The following ZNF721 variants were observed in gnomAD, a reference collection of about 807,000 sequenced individuals.
ZNF721 encodes the protein zinc finger protein 721.
Under a neutral mutation model 2.4 loss-of-function variants are expected in ZNF721, and 2 were observed. That is an observed-to-expected ratio of 0.82 (90% confidence interval 0.34 to 2.58). ZNF721 has a LOEUF of 2.58. Ranked by LOEUF, ZNF721 falls within the 30% of genes most tolerant of loss-of-function variation. The pLI is 0.11. For synonymous variants in ZNF721, 398 were observed against 381.8 expected (o/e 1.04, Z -0.50); for missense variants, 1,187 against 1,085.5 (o/e 1.09, Z -1.31).
intron 2 of ZNF721, among the ~76,000 whole-genome samples, chr4:463,628 C>T (rs531931768): frequency 1.7e-4 from 26 of 152,064 alleles, no homozygotes; most frequent in Admixed American, 8.5e-4. Context: ...AAGCTGGAAA[C>T]CATCATTCTC....
chr4:489,084 C>T (rs1162843867), intron 1 of ZNF721, among the ~76,000 whole-genome samples: 1 of 152,200 alleles, frequency 6.6e-6, no homozygotes, highest in Non-Finnish European at 1.5e-5. Flanking sequence ...ATGTCATTAA[C>T]TTGACCCAGC....
chr4:496,818 T>C (rs1716167624), intron 1 of ZNF721, among the ~76,000 whole-genome samples: 1 of 145,474 alleles, frequency 6.9e-6, no homozygotes. Flanking sequence ...GTTCACGCCA[T>C]TCTCCTGCCT....
In ZNF721 at chr4:443,913, C is replaced by A; in HGVS notation, c.554G>T (p.Arg185Ile). 1.9e-6 allele frequency: 3 copies of A among 1,614,046 alleles called. No homozygotes were observed. Among genetic ancestry groups the A allele is most frequent in the Non-Finnish European group, 1.7e-6 (2 of 1,179,990 alleles). Reference protein sequence around the residue: ...NRSTNLTAHKRIHNREKAYTG... With the variant: ...NRSTNLTAHKIIHNREKAYTG... ...GTAAGCTTTCTCTCTGTTGTGAATT[C>A]TCTTATGTGCAGTAAGGTTTGTTGA... Residue 185 changes from arginine to isoleucine, a missense_variant, in exon 3 of 3, where the codon AGA (arginine) becomes ATA (isoleucine). Arg to Ile is a moderately conservative substitution (Grantham distance 97). Transcript: ENST00000511833.
intron 2 of ZNF721, among the ~76,000 whole-genome samples, chr4:449,485 TTGAAGTA>T (rs1311010591): frequency 6.6e-6 from 1 of 152,118 alleles, no homozygotes; most frequent in East Asian, 1.9e-4. Flanking sequence ...ATAAAGCTAT[TTGAAGTA>T]AACATACAGG....
chr4:484,329 G>A (rs1193616268), intron 1 of ZNF721, among the ~76,000 whole-genome samples: 1 of 152,154 alleles, frequency 6.6e-6, no homozygotes, highest in East Asian at 1.9e-4. Context: ...TGCACAAATT[G>A]TACAGCATGT....
chr4:484,804 T>G (rs1378577501), intron 1 of ZNF721, among the ~76,000 whole-genome samples: 5 of 152,254 alleles, frequency 3.3e-5, no homozygotes, highest in African/African-American at 1.2e-4. Flanking sequence ...TCCTGTGATC[T>G]CGCCCTGCCT....
chr4:449,563 A>C (rs80070331), intron 2 of ZNF721, among the ~76,000 whole-genome samples: 26,853 of 152,178 alleles, frequency 0.18, 2,978 homozygotes, highest in Non-Finnish European at 0.23. Flanking sequence ...CAGGCAGAAG[A>C]AGCAAAAATA....
intron 1 of ZNF721, among the ~76,000 whole-genome samples, chr4:496,574 G>A (rs538477907): frequency 1.3e-5 from 2 of 152,198 alleles, no homozygotes; most frequent in East Asian, 1.9e-4. Context: ...ACACTCATGA[G>A]CTAGAGGGTT....
rs1428905410 is a variant in ZNF721, at chr4:441,293, T to C, written c.*402A>G. ...ACAATAGCTTTTGTATATTTTTATGTTTGTACAAGTAGTCTCACATATAAA... is the reference window on the plus strand; with the variant it reads ...ACAATAGCTTTTGTATATTTTTATGCTTGTACAAGTAGTCTCACATATAAA... On this transcript the variant is annotated 3_prime_UTR_variant, in exon 3 of 3. Transcript: ENST00000511833. The C allele has an allele frequency of 1.3e-5, 2 of 159,952 alleles. No individual in the cohort carries two copies. Among genetic ancestry groups the C allele is most frequent in the Admixed American group, 1.2e-4 (2 of 16,264 alleles). The allele number at this position is 159,952 out of a possible 1,614,324, so 9.9% of individuals were successfully genotyped here. A position where few individuals can be genotyped will look rare whatever the true frequency, so the allele number is the denominator to read the frequency against.
At chr4:462,523 C>T (rs1715100711) in intron 2 of ZNF721, among the ~76,000 whole-genome samples, 1 of 152,102 alleles carries the variant, frequency 6.6e-6, no homozygotes, top group Admixed American at 6.5e-5. Flanking sequence ...CTACAGGAAC[C>T]AAAACAGCAT....
At chr4:456,803 C>T (rs1262691166) in intron 2 of ZNF721, among the ~76,000 whole-genome samples, 2 of 152,088 alleles carry the variant, frequency 1.3e-5, no homozygotes, top group African/African-American at 2.4e-5. Context: ...CACTTGAATC[C>T]GGGAGGCGGA....
rs1576981917 is a variant in ZNF721 at position 499,135 on chromosome 4, G to T, written c.-173C>A. 8 of 596,820 alleles carry T rather than the reference G, an allele frequency of 1.3e-5. No individual in the cohort carries two copies. The East Asian group carries it at 2.5e-4, about 19-fold the overall frequency. The allele number at this position is 596,820 out of a possible 1,614,324, so 37.0% of individuals were successfully genotyped here. ...CGGGAACACCGCCCGCTGTTCGTAT[G>T]TCCGAGGTGACGCCCCGCTGTGGCG... On this transcript the variant is annotated 5_prime_UTR_variant, in exon 1 of 3. Coordinates refer to ENST00000511833, the MANE Select transcript of ZNF721 (RefSeq NM_133474.4).
At chr4:468,711 G>C (rs546520114) in intron 2 of ZNF721, among the ~76,000 whole-genome samples, 1 of 152,256 alleles carries the variant, frequency 6.6e-6, no homozygotes, top group African/African-American at 2.4e-5. Context: ...CAACCCCAGA[G>C]GTAATCTCAT....
chr4:470,923 C>T (rs956266919), intron 2 of ZNF721, among the ~76,000 whole-genome samples: 1 of 151,768 alleles, frequency 6.6e-6, no homozygotes, highest in Admixed American at 6.6e-5. Context: ...TTGCTTGAAC[C>T]CAGGAGGCGG....
chr4:469,324 T>A (rs1405828621), intron 2 of ZNF721, among the ~76,000 whole-genome samples: 1 of 151,772 alleles, frequency 6.6e-6, no homozygotes, highest in Non-Finnish European at 1.5e-5. Flanking sequence ...ACTATAAAAA[T>A]AAGAAATTCA....
chr4:444,143 G>C lies in ZNF721; in HGVS notation c.324C>G (p.His108Gln), dbSNP rs781959208. ...KDKTRHTGEKHFKCNECGKSF... is the reference protein window; with the variant it reads ...KDKTRHTGEKQFKCNECGKSF... ...ACTTGCCACATTCGTTACATTTAAA[G>C]TGTTTCTCTCCAGTATGTCTTGTCT... Residue 108 changes from histidine to glutamine, a missense_variant, in exon 3 of 3, where the codon CAC becomes CAG. Transcript: ENST00000511833. 4 of 1,613,994 alleles carry C rather than the reference G, an allele frequency of 2.5e-6. No homozygotes were observed. Among genetic ancestry groups the C allele is most frequent in the Non-Finnish European group, 3.4e-6 (4 of 1,179,994 alleles).
intron 1 of ZNF721, chr4:474,020 G>T: frequency 6.7e-7 from 1 of 1,502,630 alleles, no homozygotes. Flanking sequence ...TCTTAGCTAC[G>T]AATCATCCAA....
rs1251062860 is a variant in ZNF721 at position 499,085 on chromosome 4, C to T, written c.-123G>A. 1.1e-5 allele frequency: 6 copies of T among 538,772 alleles called. No homozygotes were observed. Among genetic ancestry groups the T allele is most frequent in the South Asian group, 2.5e-5 (1 of 39,818 alleles). 33.4% of individuals were successfully genotyped at this position (538,772 alleles called of 1,614,324 possible). A position where few individuals can be genotyped will look rare whatever the true frequency, so the allele number is the denominator to read the frequency against. ...CCGTGGGCGGCGACCGTCGCGGACT[C>T]GCCGGGAAGACGGCCCCACGGAGCC... On this transcript the variant is annotated 5_prime_UTR_variant, in exon 1 of 3. Coordinates refer to ENST00000511833, the MANE Select transcript of ZNF721 (RefSeq NM_133474.4).
At chr4:493,985 T>C (rs571462938) in intron 1 of ZNF721, among the ~76,000 whole-genome samples, 31 of 152,364 alleles carry the variant, frequency 2.0e-4, no homozygotes, top group African/African-American at 7.0e-4. Flanking sequence ...AGCTTATTTA[T>C]TGAAGAATTT....
Sources: gnomAD v4.1 joint callset for allele counts (sites outside exome capture counted in the v4.1 genomes callset) on GRCh38, gnomAD v4.1.1 for gene constraint, MANE v1.5 for transcripts, NCBI Gene and HGNC (gene_info 2026-07-23, HGNC 2026-07-21) for gene names.